TSHZ2: variants seen among roughly 807,000 people sequenced by gnomAD.
TSHZ2 encodes teashirt homolog 2.
A neutral mutation model predicts 74.4 loss-of-function variants in TSHZ2; 21 were observed. The ratio of observed to expected loss-of-function variants is 0.28; its 90% CI spans 0.20 to 0.41. The LOEUF is 0.41. Among genes scored for constraint, TSHZ2 ranks in the 10% least tolerant of loss-of-function variants. The pLI is 1.00. For missense variants in TSHZ2, 1,244 were observed against 1,293.5 expected (o/e 0.96, Z 0.59); for synonymous variants, 540 against 515.3 (o/e 1.05, Z -0.65).
chr20:53,356,207 T>C (rs563529715), intron 2 of TSHZ2, among the ~76,000 whole-genome samples: 2 of 152,244 alleles, frequency 1.3e-5, no homozygotes, highest in Non-Finnish European at 2.9e-5. Flanking sequence ...TACTATTCTA[T>C]GAATTTTACA....
At chr20:53,445,261 T>A (rs1436832677) in intron 2 of TSHZ2, among the ~76,000 whole-genome samples, 1 of 152,206 alleles carries the variant, frequency 6.6e-6, no homozygotes, top group African/African-American at 2.4e-5. Context: ...TGCTCTTTCC[T>A]TCCACTTATT....
chr20:53,051,189 A>T (rs111238937), intron 1 of TSHZ2, among the ~76,000 whole-genome samples: 5,097 of 152,162 alleles, frequency 0.033, 176 homozygotes, highest in South Asian at 0.13. Flanking sequence ...AAATACAAAA[A>T]TTAGCAGGGT....
intron 1 of TSHZ2, among the ~76,000 whole-genome samples, chr20:53,026,491 A>T (rs1277142287): frequency 6.6e-6 from 1 of 152,120 alleles, no homozygotes; most frequent in East Asian, 1.9e-4. Context: ...AGCTGGGACC[A>T]CAAGCGCACA....
In TSHZ2 at chr20:53,256,445, G is replaced by A; in HGVS notation, c.2987G>A (p.Cys996Tyr). The A allele has an allele frequency of 1.9e-6, 3 of 1,614,180 alleles. No individual in the cohort carries two copies. The highest frequency in any genetic ancestry group is 2.5e-6 in the Non-Finnish European group (3 of 1,179,998). Residue 996 changes from cysteine to tyrosine, a missense_variant, in exon 2 of 3, where the codon TGT becomes TAT. Around this residue, in one of 6 missense-constraint regions of TSHZ2, gnomAD observed 185 missense variants for 213.3 expected, o/e 0.87. Transcript: ENST00000371497. The surrounding 1 kb of genome is among the most constrained non-coding windows in gnomAD (Gnocchi z 4.3). Reference sequence around the variant, plus strand: ...GAGGACACAGACTCTAAATTCAAGTGTAAGTTGTGCTGTCGGACATTTGTG... The same window carrying A: ...GAGGACACAGACTCTAAATTCAAGTATAAGTTGTGCTGTCGGACATTTGTG... ...AEEDTDSKFK[C>Y]KLCCRTFVSK... is the part of the protein sequence containing the mutation.
At chr20:53,433,026 G>A (rs577580984) in intron 2 of TSHZ2, among the ~76,000 whole-genome samples, 1 of 152,078 alleles carries the variant, frequency 6.6e-6, no homozygotes, top group Non-Finnish European at 1.5e-5. Flanking sequence ...CACATTCAAG[G>A]TAGGAAAAGG....
intron 1 of TSHZ2, among the ~76,000 whole-genome samples, chr20:53,005,333 T>C (rs184467565): frequency 1.7e-4 from 26 of 152,036 alleles, no homozygotes; most frequent in African/African-American, 6.0e-4. Context: ...AATAAATAAA[T>C]AAACAAATAA....
At chr20:53,366,167 C>G (rs1338842945) in intron 2 of TSHZ2, among the ~76,000 whole-genome samples, 1 of 152,154 alleles carries the variant, frequency 6.6e-6, no homozygotes, top group Admixed American at 6.5e-5. Context: ...TTCTCCAGGG[C>G]TGTTATTTTG....
chr20:53,292,445 C>T (rs1346438871), intron 2 of TSHZ2, among the ~76,000 whole-genome samples: 2 of 98,518 alleles, frequency 2.0e-5, no homozygotes, highest in African/African-American at 1.1e-4. Flanking sequence ...CACAAACCAC[C>T]TATTTTTTTT....
Position 53,255,237 on chromosome 20 carries a change from C to G in TSHZ2, c.1779C>G (p.His593Gln), listed in dbSNP as rs755478433. 4 of 1,614,092 alleles carry G rather than the reference C, an allele frequency of 2.5e-6. No homozygotes were observed. The highest frequency in any genetic ancestry group is 2.2e-5 in the East Asian group (1 of 44,894). ...TGCCACTGGTTTCTATGCCCACACA[C>G]CTGGCCCCTTACACTCAAGTCAAGA... ...KVMPLVSMPT[H>Q]LAPYTQVKKE... Residue 593 changes from histidine to glutamine, a missense_variant, in exon 2 of 3, where the codon CAC becomes CAG. Around this residue, in one of 6 missense-constraint regions of TSHZ2, gnomAD observed 562 missense variants for 544.0 expected, o/e 1.03. Transcript: ENST00000371497. This position sits in a 1 kb window ranked among gnomAD's most constrained non-coding sequence, Gnocchi z 4.1.
intron 1 of TSHZ2, among the ~76,000 whole-genome samples, chr20:52,983,718 C>T (rs6123240): frequency 0.29 from 44,891 of 152,190 alleles, 7,915 homozygotes; most frequent in African/African-American, 0.49. Flanking sequence ...GTGCCTTCGA[C>T]TGAAGAGCAG....
intron 1 of TSHZ2, among the ~76,000 whole-genome samples, chr20:53,114,834 C>T (rs926417203): frequency 6.6e-6 from 1 of 152,050 alleles, no homozygotes; most frequent in African/African-American, 2.4e-5. Flanking sequence ...TGTTTGCCTC[C>T]AGCAAACTCT....
intron 2 of TSHZ2, among the ~76,000 whole-genome samples, chr20:53,347,634 CTT>C (rs11479969): frequency 0.52 from 77,706 of 150,670 alleles, 20,093 homozygotes; most frequent in East Asian, 0.6. Flanking sequence ...ATCTTTTTTA[CTT>C]TTTTTTTTTC....
intron 1 of TSHZ2, among the ~76,000 whole-genome samples, chr20:53,159,528 C>T (rs757355212): frequency 6.6e-6 from 1 of 151,850 alleles, no homozygotes; most frequent in African/African-American, 2.4e-5. Context: ...AAATGAAGTA[C>T]ATCAAAGAGA....
At chr20:53,122,050 G>T (rs1418627216) in intron 1 of TSHZ2, among the ~76,000 whole-genome samples, 1 of 152,020 alleles carries the variant, frequency 6.6e-6, no homozygotes, top group Non-Finnish European at 1.5e-5. Flanking sequence ...ACTTTGGGAG[G>T]CCGAAGTGGG....
chr20:53,282,467 A>C (rs925958485), intron 2 of TSHZ2, among the ~76,000 whole-genome samples: 1 of 152,158 alleles, frequency 6.6e-6, no homozygotes, highest in Non-Finnish European at 1.5e-5. Flanking sequence ...TTTCTGATTT[A>C]ACCCTTACCA....
intron 2 of TSHZ2, among the ~76,000 whole-genome samples, chr20:53,348,908 C>A (rs1212527135): frequency 6.6e-6 from 1 of 152,208 alleles, no homozygotes; most frequent in Non-Finnish European, 1.5e-5. Context: ...GCCTTCCGAG[C>A]CCCGCAAGGA....
intron 1 of TSHZ2, among the ~76,000 whole-genome samples, chr20:53,006,476 C>T (rs1982650653): frequency 1.3e-5 from 2 of 152,194 alleles, no homozygotes; most frequent in Admixed American, 6.5e-5. Flanking sequence ...AAACTGAACA[C>T]TAGCCAATAG....
At chr20:53,070,209 A>T (rs1985127680) in intron 1 of TSHZ2, among the ~76,000 whole-genome samples, 1 of 152,230 alleles carries the variant, frequency 6.6e-6, no homozygotes, top group African/African-American at 2.4e-5. Context: ...TGTGAACCTT[A>T]GAAAATCACT....
At chr20:53,134,486 G>A (rs1442642442) in intron 1 of TSHZ2, among the ~76,000 whole-genome samples, 1 of 152,058 alleles carries the variant, frequency 6.6e-6, no homozygotes, top group Non-Finnish European at 1.5e-5. Context: ...ACTTTTTATT[G>A]TCTCTGCTTA....
Sources: allele counts gnomAD v4.1 joint callset (sites outside exome capture counted in the v4.1 genomes callset), GRCh38; gene constraint gnomAD v4.1.1; regional missense constraint gnomAD v4.1.1; non-coding constraint Gnocchi (gnomAD v3.1); transcripts MANE v1.5; gene names NCBI Gene and HGNC (gene_info 2026-07-23, HGNC 2026-07-21).